The following THSD4 variants were observed in gnomAD, a reference collection of about 807,000 sequenced individuals.
THSD4 encodes the protein thrombospondin type 1 domain containing 4, also known as thrombospondin type-1 domain-containing protein 4.
Under a neutral mutation model 119.0 loss-of-function variants are expected in THSD4, and 69 were observed. That is an observed-to-expected ratio of 0.58 (90% CI 0.48 to 0.71). THSD4 has a LOEUF of 0.71. THSD4 is among the 30% of genes least tolerant of loss of function. The pLI, the probability that THSD4 is intolerant of heterozygous loss-of-function variation, is 0.00. For missense variants in THSD4, 1,393 were observed against 1,391.1 expected, an observed-to-expected ratio of 1.00 and a Z score of -0.02; for synonymous variants, 524 against 540.4, an observed-to-expected ratio of 0.97 and a Z score of 0.42.
rs573679901 is a variant in THSD4, at chr15:71,361,502, T to C, written c.1016-50185T>C. 6.6e-5 allele frequency among the ~76,000 whole-genome samples: 10 copies of C among 152,278 alleles called. No homozygotes were observed. In the East Asian group the frequency reaches 1.9e-3, roughly 29 times the overall value. On this transcript the variant is annotated intron_variant, in intron 6 of 17. Coordinates refer to ENST00000261862, the MANE Select transcript of THSD4 (RefSeq NM_024817.3). Reference sequence around the variant, plus strand: ...GTGGCAAAGATAAAAAATGCTAATATCACCTGTGATCGTTGAAGATATGGG... The same window carrying C: ...GTGGCAAAGATAAAAAATGCTAATACCACCTGTGATCGTTGAAGATATGGG...
At chr15:71,235,873 G>A (rs1047068561) in intron 4 of THSD4, among the ~76,000 whole-genome samples, 1 of 152,162 alleles carries the variant, frequency 6.6e-6, no homozygotes, top group Non-Finnish European at 1.5e-5. Flanking sequence ...TTACGGGTGT[G>A]AGCCACCATG....
intron 7 of THSD4, among the ~76,000 whole-genome samples, chr15:71,558,574 T>A (rs916481588): frequency 6.6e-5 from 10 of 152,130 alleles, no homozygotes; most frequent in Admixed American, 3.9e-4. Context: ...GCTGAAGTGA[T>A]CCTTCCACCT....
chr15:71,449,346 C>CTA (rs372731456), intron 7 of THSD4, among the ~76,000 whole-genome samples: 206 of 152,280 alleles, frequency 1.4e-3, no homozygotes, highest in African/African-American at 4.6e-3. Context: ...GATACTGTTT[C>CTA]TATGTGGCAT....
chr15:71,123,593 C>G (rs911605035), intron 1 of THSD4, among the ~76,000 whole-genome samples: 1 of 152,166 alleles, frequency 6.6e-6, no homozygotes, highest in African/African-American at 2.4e-5. Flanking sequence ...AGTATACTTA[C>G]AGCCTTAGCA....
intron 8 of THSD4, among the ~76,000 whole-genome samples, chr15:71,705,974 A>G (rs1407170074): frequency 6.6e-6 from 1 of 152,182 alleles, no homozygotes; most frequent in Non-Finnish European, 1.5e-5. Context: ...CTTGAAGGAT[A>G]CACAGGCTTT....
intron 7 of THSD4, among the ~76,000 whole-genome samples, chr15:71,414,587 G>A (rs552646608): frequency 1.4e-3 from 214 of 152,340 alleles, no homozygotes; most frequent in Non-Finnish European, 2.1e-3. Context: ...ATGGTGGTAA[G>A]ATGACTCGGA....
intron 3 of THSD4, chr15:71,172,102 G>A (rs1041918298): frequency 6.6e-6 from 1 of 152,022 alleles, no homozygotes; most frequent in Admixed American, 6.5e-5. Context: ...GAGGTGGGTG[G>A]ATCACCTGAG....
chr15:71,405,651 A>G (rs1048932053), intron 6 of THSD4, among the ~76,000 whole-genome samples: 2 of 152,136 alleles, frequency 1.3e-5, no homozygotes, highest in African/African-American at 2.4e-5. Context: ...GGTCCCTTGC[A>G]TTTTTGTGTG....
chr15:71,580,259 G>A (rs1009653449), intron 7 of THSD4, among the ~76,000 whole-genome samples: 2 of 152,116 alleles, frequency 1.3e-5, no homozygotes. Context: ...AAAGTAAGAA[G>A]TGACATTGGG....
chr15:71,301,890 T>C (rs1472943007), intron 6 of THSD4, among the ~76,000 whole-genome samples: 7 of 152,128 alleles, frequency 4.6e-5, no homozygotes, highest in African/African-American at 1.7e-4. Context: ...TGCATGATGT[T>C]AGATGGGATG....
intron 7 of THSD4, among the ~76,000 whole-genome samples, chr15:71,577,379 A>G (rs977512263): frequency 3.9e-5 from 6 of 152,188 alleles, no homozygotes; most frequent in Non-Finnish European, 7.3e-5. Context: ...TGCCACTCTA[A>G]TCCTTGGCTT....
At chr15:71,243,988 T>C (rs990991271) in intron 5 of THSD4, among the ~76,000 whole-genome samples, 11 of 151,936 alleles carry the variant, frequency 7.2e-5, no homozygotes, top group Admixed American at 7.2e-4. Context: ...GGTTTCACTA[T>C]GTTGGCCAGG....
intron 6 of THSD4, chr15:71,348,484 C>T (rs1385609330): frequency 6.6e-6 from 1 of 152,236 alleles, no homozygotes; most frequent in Admixed American, 6.5e-5. Flanking sequence ...ATGACCTGTA[C>T]ATCCAGGTGA....
At chr15:71,717,308 A>G (rs1331122629) in intron 8 of THSD4, among the ~76,000 whole-genome samples, 1 of 152,260 alleles carries the variant, frequency 6.6e-6, no homozygotes, top group Non-Finnish European at 1.5e-5. Flanking sequence ...TATGGCAGTT[A>G]GAAAGCAGTT....
intron 5 of THSD4, among the ~76,000 whole-genome samples, chr15:71,247,464 G>A (rs1355367238): frequency 6.6e-6 from 1 of 152,200 alleles, no homozygotes. Context: ...GGCATTAACA[G>A]TGCAGATCAT....
intron 7 of THSD4, among the ~76,000 whole-genome samples, chr15:71,448,775 A>G (rs2047223782): frequency 6.6e-6 from 1 of 152,184 alleles, no homozygotes; most frequent in Non-Finnish European, 1.5e-5. Flanking sequence ...AGTTACCTCC[A>G]TTAACTCTAG....
intron 7 of THSD4, among the ~76,000 whole-genome samples, chr15:71,441,107 G>T (rs568860301): frequency 6.6e-6 from 1 of 152,130 alleles, no homozygotes; most frequent in African/African-American, 2.4e-5. Context: ...ATAAAATTCT[G>T]GGGGAATTAA....
chr15:71,245,824 G>C (rs1243799502), intron 5 of THSD4, among the ~76,000 whole-genome samples: 1 of 152,132 alleles, frequency 6.6e-6, no homozygotes, highest in Non-Finnish European at 1.5e-5. Flanking sequence ...GGAGTGGTGA[G>C]AACTGCCCTG....
chr15:71,652,461 C>T (rs58933077), intron 7 of THSD4, among the ~76,000 whole-genome samples: 3,118 of 152,272 alleles, frequency 0.02, 113 homozygotes, highest in African/African-American at 0.072. Context: ...AAAGCTATTT[C>T]AGGCCTCTCT....
Sources: gnomAD v4.1 joint callset for allele counts (sites outside exome capture counted in the v4.1 genomes callset) on GRCh38, gnomAD v4.1.1 for gene constraint, MANE v1.5 for transcripts, NCBI Gene and HGNC (gene_info 2026-07-23, HGNC 2026-07-21) for gene names.